The following CDC45 variants were observed in gnomAD, a reference collection of about 807,000 sequenced individuals.
CDC45 encodes the protein cell division cycle 45.
A neutral mutation model predicts 77.8 loss-of-function variants in CDC45; 54 were observed. The observed-to-expected ratio is 0.69, with a 90% CI of 0.56 to 0.87. The LOEUF (loss-of-function observed/expected upper bound fraction) is 0.87, where lower values mean the gene tolerates loss of function less well. Ranked by LOEUF, CDC45 falls within the 40% of genes least tolerant of loss-of-function variation. The pLI, the probability that CDC45 is intolerant of heterozygous loss-of-function variation, is 0.00. For synonymous variants in CDC45, 260 were observed against 272.1 expected, an observed-to-expected ratio of 0.96 and a Z score of 0.44; for missense variants, 649 against 721.6, an observed-to-expected ratio of 0.90 and a Z score of 1.15.
intron 17 of CDC45, among the ~76,000 whole-genome samples, chr22:19,517,732 C>A (rs1236287024): frequency 6.6e-6 from 1 of 152,192 alleles, no homozygotes; most frequent in Non-Finnish European, 1.5e-5. Flanking sequence ...TCCTTGGTGT[C>A]TGTGTCCAAA....
chr22:19,511,058 C>T (rs73162625), intron 13 of CDC45, among the ~76,000 whole-genome samples: 7,146 of 152,228 alleles, frequency 0.047, 221 homozygotes, highest in Middle Eastern at 0.15. Flanking sequence ...CAAGGAACTG[C>T]CAGATTTTTG....
chr22:19,515,044 G>A lies in CDC45; in HGVS notation c.1436G>A (p.Cys479Tyr), dbSNP rs1276872358. Residue 479 changes from cysteine (C) to tyrosine (Y), a missense_variant, in exon 15 of 19, where the codon TGT (cysteine) becomes TAT (tyrosine). By Grantham distance (194) the Cys-to-Tyr change is radical. Coordinates refer to ENST00000263201, the MANE Select transcript of CDC45 (RefSeq NM_003504.5). ...LSKHLLKSFVCSTKNRRCKLL... is the reference protein window; with the variant it reads ...LSKHLLKSFVYSTKNRRCKLL... ...AAACACCTGCTCAAGTCCTTTGTGT[G>A]TTCGGTGAGGGGCCAGGCGGGTGCT... 7 of 1,602,692 alleles carry A rather than the reference G, an allele frequency of 4.4e-6. No homozygotes were observed. Among genetic ancestry groups the A allele is most frequent in the Non-Finnish European group, 6.0e-6 (7 of 1,172,628 alleles).
intron 5 of CDC45, among the ~76,000 whole-genome samples, chr22:19,485,416 A>G (rs2090051282): frequency 6.6e-6 from 1 of 152,242 alleles, no homozygotes; most frequent in Non-Finnish European, 1.5e-5. Flanking sequence ...TTCAGGTATC[A>G]AACATGAGTT....
intron 5 of CDC45, among the ~76,000 whole-genome samples, chr22:19,492,700 G>A (rs944608150): frequency 2.0e-5 from 3 of 152,120 alleles, no homozygotes; most frequent in Non-Finnish European, 4.4e-5. Flanking sequence ...TTTGTATTAT[G>A]TGATGAGATT....
intron 8 of CDC45, among the ~76,000 whole-genome samples, chr22:19,497,707 G>A (rs1317421009): frequency 6.6e-6 from 1 of 152,182 alleles, no homozygotes; most frequent in Admixed American, 6.5e-5. Flanking sequence ...CCCCACTCCT[G>A]CTGCTCAGCC....
chr22:19,494,397 C>T lies in CDC45; in HGVS notation c.542+15C>T. On this transcript the variant is annotated intron_variant, in intron 6 of 18. Transcript: ENST00000263201. The stretch of plus-strand genomic sequence containing the variant: ...GAGGCCCGGAGGTGAGTCTGTGCTT[C>T]CAGCTGCTCCCAGCACCAGAAGCCC... 6.2e-7 allele frequency: 1 copy of T among 1,612,826 alleles called. No homozygotes were observed. The highest frequency in any genetic ancestry group is 1.3e-5 in the African/African-American group (1 of 75,000).
chr22:19,512,304 C>T (rs893144834), intron 13 of CDC45, among the ~76,000 whole-genome samples: 2 of 152,212 alleles, frequency 1.3e-5, no homozygotes, highest in African/African-American at 4.8e-5. Flanking sequence ...TCAGTTTGGG[C>T]CGCTGCTCTC....
chr22:19,508,440 G>C (rs1297342316), intron 12 of CDC45, 90 bp from the exon 13 acceptor site: 5 of 1,367,474 alleles, frequency 3.7e-6, no homozygotes, highest in Admixed American at 1.7e-5. Context: ...ACTTGGGCCT[G>C]TGAGGGACAT....
At chr22:19,500,600 G>A (rs929538925) in intron 9 of CDC45, among the ~76,000 whole-genome samples, 2 of 152,076 alleles carry the variant, frequency 1.3e-5, no homozygotes, top group African/African-American at 4.8e-5. Flanking sequence ...GAGCTGCTCC[G>A]AAGGACCCCA....
chr22:19,484,364 G>T (rs1437280410), intron 5 of CDC45, among the ~76,000 whole-genome samples: 3 of 152,190 alleles, frequency 2.0e-5, no homozygotes, highest in Non-Finnish European at 2.9e-5. Context: ...TGCAGTCACT[G>T]CAGAGGAGCA....
At chr22:19,500,271 G>A (rs2090317057) in intron 9 of CDC45, among the ~76,000 whole-genome samples, 1 of 152,240 alleles carries the variant, frequency 6.6e-6, no homozygotes, top group Admixed American at 6.5e-5. Flanking sequence ...TGCTCTCATT[G>A]TGCTCAGTGG....
At chr22:19,484,083 G>T in intron 5 of CDC45, 78 bp downstream of exon 5, 3 of 1,422,346 alleles carry the variant, frequency 2.1e-6, no homozygotes, top group Non-Finnish European at 1.9e-6. Context: ...AGCCTGCCAG[G>T]CCAAGGTGTA....
intron 9 of CDC45, among the ~76,000 whole-genome samples, chr22:19,501,709 T>A (rs1932907958): frequency 1.3e-5 from 2 of 152,130 alleles, no homozygotes; most frequent in Admixed American, 1.3e-4. Flanking sequence ...CAAATTATTT[T>A]ATTGTTAACC....
At chr22:19,486,421 T>G (rs2090067970) in intron 5 of CDC45, among the ~76,000 whole-genome samples, 1 of 152,252 alleles carries the variant, frequency 6.6e-6, no homozygotes, top group African/African-American at 2.4e-5. Context: ...TCCTCTTTAC[T>G]GTCTTAACCT....
At chr22:19,496,071 C>T (rs373780952) in intron 7 of CDC45, 42 bp downstream of exon 7, 1 of 1,353,048 alleles carries the variant, frequency 7.4e-7, no homozygotes, top group African/African-American at 1.4e-5. Flanking sequence ...GTTCTGACTC[C>T]AGGGGTCAGT....
At chr22:19,499,673 A>AGCTGCAAGGCTGCCTCAGAATGCAGAT (rs1288669078) in intron 9 of CDC45, among the ~76,000 whole-genome samples, 1 of 152,198 alleles carries the variant, frequency 6.6e-6, no homozygotes, top group African/African-American at 2.4e-5. Flanking sequence ...ACTGACGGTG[A>AGCTGCAAGGCTGCCTCAGAATGCAGAT]GCTGCAAGGC....
intron 9 of CDC45, among the ~76,000 whole-genome samples, chr22:19,500,941 C>A (rs2090330487): frequency 6.6e-6 from 1 of 152,142 alleles, no homozygotes; most frequent in Non-Finnish European, 1.5e-5. Context: ...CTTTGGGAGG[C>A]AGAGGTGAGT....
At chr22:19,519,501 TC>T (rs1361263361) in intron 18 of CDC45, among the ~76,000 whole-genome samples, 1 of 152,238 alleles carries the variant, frequency 6.6e-6, no homozygotes, top group African/African-American at 2.4e-5. Flanking sequence ...TCTTAAGGGT[TC>T]CCAGGAAATA....
At chr22:19,500,398 C>A (rs981677552) in intron 9 of CDC45, among the ~76,000 whole-genome samples, 7 of 152,148 alleles carry the variant, frequency 4.6e-5, no homozygotes, top group African/African-American at 1.7e-4. Context: ...CAGCATCAGT[C>A]ACTAGGTCGG....
Sources: gnomAD v4.1 joint callset for allele counts (sites outside exome capture counted in the v4.1 genomes callset) on GRCh38, gnomAD v4.1.1 for gene constraint, MANE v1.5 for transcripts, NCBI Gene and HGNC (gene_info 2026-07-23, HGNC 2026-07-21) for gene names.